Variants in CREB3L2 observed in about 807,000 individuals in gnomAD.
CREB3L2 encodes the protein cAMP responsive element binding protein 3 like 2, also known as cyclic AMP-responsive element-binding protein 3-like protein 2.
A neutral mutation model predicts 57.2 loss-of-function variants in CREB3L2; 23 were observed. That is an observed-to-expected ratio of 0.40 (90% CI 0.29 to 0.57). The LOEUF is 0.57. CREB3L2 is among the 20% of genes least tolerant of loss of function. CREB3L2 has a pLI of 0.42. For missense variants in CREB3L2, 628 were observed against 634.7 expected, an observed-to-expected ratio of 0.99 and a Z score of 0.11; for synonymous variants, 268 against 265.1, an observed-to-expected ratio of 1.01 and a Z score of -0.11.
rs184730828 is a variant in CREB3L2, at chr7:137,912,260, G to T, written c.583+731C>A. On this transcript the variant is annotated intron_variant, in intron 4 of 11. Coordinates refer to ENST00000330387, the MANE Select transcript of CREB3L2 (RefSeq NM_194071.4). Reference sequence around the variant, plus strand: ...GGTGTGGTGGTGCACGCCTGTAATTGCAGCTTCTCAGGAGGCTGAGGCACA... The same window carrying T: ...GGTGTGGTGGTGCACGCCTGTAATTTCAGCTTCTCAGGAGGCTGAGGCACA... 2.0e-5 allele frequency among the ~76,000 whole-genome samples: 3 copies of T among 151,636 alleles called. No individual in the cohort carries two copies. In the South Asian group the frequency reaches 6.3e-4, roughly 32 times the overall value.
At chr7:137,933,021 G>A (rs1263638851) in intron 1 of CREB3L2, among the ~76,000 whole-genome samples, 3 of 152,160 alleles carry the variant, frequency 2.0e-5, no homozygotes, top group Non-Finnish European at 4.4e-5. Flanking sequence ...GGGCAGCAAG[G>A]AGCAGAACAG....
At chr7:137,994,473 G>A (rs922670897) in intron 1 of CREB3L2, among the ~76,000 whole-genome samples, 10 of 152,138 alleles carry the variant, frequency 6.6e-5, no homozygotes, top group Admixed American at 6.5e-5. Flanking sequence ...CTACTCTGAC[G>A]CCAAGAGTCC....
Position 138,001,964 on chromosome 7 carries a change from A to T in CREB3L2, c.-259T>A. The stretch of plus-strand genomic sequence containing the variant: ...CAAAGGCTGCCGGGGCTAAAGCGGG[A>T]TGTGCATCCAAAATGAAGGCAGAAG... On this transcript the variant is annotated 5_prime_UTR_variant, in exon 1 of 12. Transcript: ENST00000330387. The surrounding 1 kb of genome is among the most constrained non-coding windows in gnomAD (Gnocchi z 4.2). 1 of 424,986 alleles carries T rather than the reference A, an allele frequency of 2.4e-6. No individual in the cohort carries two copies. The highest frequency in any genetic ancestry group is 4.5e-5 in the South Asian group (1 of 22,286). The allele number at this position is 424,986 out of a possible 1,614,324, so 26.3% of individuals were successfully genotyped here. A position where few individuals can be genotyped will look rare whatever the true frequency, so the allele number is the denominator to read the frequency against.
At chr7:137,992,785 G>A (rs1476728564) in intron 1 of CREB3L2, among the ~76,000 whole-genome samples, 1 of 152,190 alleles carries the variant, frequency 6.6e-6, no homozygotes, top group Admixed American at 6.5e-5. Flanking sequence ...AACGAGTTAT[G>A]AGACAATCCT....
At chr7:137,972,708 A>ACAAAACAAAACAAACAAAC (rs1554503522) in intron 1 of CREB3L2, among the ~76,000 whole-genome samples, 430 of 42,616 alleles carry the variant, frequency 0.01, 5 homozygotes, top group Non-Finnish European at 0.014. Context: ...AAAAAAAAAA[A>ACAAAACAAAACAAACAAAC]AAAAATATAT....
chr7:137,898,915 A>C (rs568751953), intron 8 of CREB3L2, among the ~76,000 whole-genome samples: 69 of 140,360 alleles, frequency 4.9e-4, no homozygotes, highest in Middle Eastern at 3.5e-3. Flanking sequence ...AAAAATAAAA[A>C]TGTGGAAGGA....
Position 137,882,404 on chromosome 7 carries a change from T to C in CREB3L2, c.1487+8A>G, listed in dbSNP as rs774203532. On this transcript the variant is annotated splice_region_variant and intron_variant, in intron 11 of 11. Transcript: ENST00000330387. ...TAGAGGAGTTGGCTCTGTGTCTCTA[T>C]GACTCACAGGTGCTGCTGCAGCTCC... The C allele has an allele frequency of 4.4e-5, 70 of 1,603,560 alleles. No homozygotes were observed. Among genetic ancestry groups the C allele is most frequent in the Non-Finnish European group, 2.1e-5 (25 of 1,171,562 alleles).
intron 4 of CREB3L2, among the ~76,000 whole-genome samples, chr7:137,908,951 T>A (rs1799950988): frequency 6.6e-6 from 1 of 151,512 alleles, no homozygotes; most frequent in East Asian, 2.0e-4. Context: ...ACAAAAAAAA[T>A]TAGCCAGGTG....
intron 1 of CREB3L2, among the ~76,000 whole-genome samples, chr7:137,967,257 C>T (rs899127291): frequency 6.6e-6 from 1 of 152,230 alleles, no homozygotes; most frequent in Non-Finnish European, 1.5e-5. Context: ...TTAAGCCACC[C>T]AGTCTATGGT....
Position 137,980,161 on chromosome 7 carries a change from C to T in CREB3L2, c.102+21443G>A, listed in dbSNP as rs1801688001. 6.6e-6 allele frequency among the ~76,000 whole-genome samples: 1 copy of T among 152,198 alleles called. No individual in the cohort carries two copies. The highest frequency in any genetic ancestry group is 2.4e-5 in the African/African-American group (1 of 41,448). On this transcript the variant is annotated intron_variant, in intron 1 of 11. Coordinates refer to ENST00000330387, the MANE Select transcript of CREB3L2 (RefSeq NM_194071.4). This position sits in a 1 kb window ranked among gnomAD's most constrained non-coding sequence, Gnocchi z 4.3. ...AGATGAATGTTGCCAGACCATGGAC[C>T]ATGCTTTGAGTAGTCATACTCCAAG...
chr7:137,962,276 C>T (rs1017571723), intron 1 of CREB3L2, among the ~76,000 whole-genome samples: 2 of 152,152 alleles, frequency 1.3e-5, no homozygotes, highest in African/African-American at 4.8e-5. Flanking sequence ...ATGGCCATGG[C>T]TCTGACTTTG....
intron 2 of CREB3L2, among the ~76,000 whole-genome samples, chr7:137,927,573 T>C (rs1800502230): frequency 6.6e-6 from 1 of 152,030 alleles, no homozygotes; most frequent in Non-Finnish European, 1.5e-5. Flanking sequence ...AGAGTAATGG[T>C]CAAAACATCT....
intron 7 of CREB3L2, among the ~76,000 whole-genome samples, chr7:137,902,983 AT>A (rs201154600): frequency 6.6e-6 from 1 of 151,180 alleles, no homozygotes; most frequent in Non-Finnish European, 1.5e-5. Context: ...TGCCTGGCTA[AT>A]TTTTTTTTAT....
intron 10 of CREB3L2, among the ~76,000 whole-genome samples, chr7:137,883,985 G>T (rs765446310): frequency 1.3e-3 from 193 of 152,148 alleles, no homozygotes; most frequent in Non-Finnish European, 2.1e-3. Context: ...TGGGCATAAG[G>T]TTTTGGAAGG....
intron 1 of CREB3L2, among the ~76,000 whole-genome samples, chr7:137,931,574 G>A (rs1415136717): frequency 2.7e-5 from 4 of 150,630 alleles, no homozygotes; most frequent in Non-Finnish European, 4.4e-5. Context: ...GCTCATGTCT[G>A]TAATCCCAGA....
In CREB3L2 at chr7:137,878,210, T is replaced by C; in HGVS notation, c.*2266A>G. On this transcript the variant is annotated 3_prime_UTR_variant, in exon 12 of 12. Coordinates refer to ENST00000330387, the MANE Select transcript of CREB3L2 (RefSeq NM_194071.4). Reference sequence around the variant, plus strand: ...GGACAGGGGCTAGAAGTTTCCTTTATCTTCTCCCTCCTCATTTAGAAGAGC... The same window carrying C: ...GGACAGGGGCTAGAAGTTTCCTTTACCTTCTCCCTCCTCATTTAGAAGAGC... The C allele has an allele frequency of 4.3e-6, 1 of 232,180 alleles. No individual in the cohort carries two copies. Among genetic ancestry groups the C allele is most frequent in the Non-Finnish European group, 8.5e-6 (1 of 117,368 alleles). 14.4% of individuals were successfully genotyped at this position (232,180 alleles called of 1,614,324 possible). A position where few individuals can be genotyped will look rare whatever the true frequency, so the allele number is the denominator to read the frequency against.
intron 1 of CREB3L2, among the ~76,000 whole-genome samples, chr7:137,940,766 G>C (rs1401502797): frequency 6.6e-6 from 1 of 152,208 alleles, no homozygotes; most frequent in Non-Finnish European, 1.5e-5. Flanking sequence ...CGGCATGCAT[G>C]CTTCCTAGAA....
chr7:138,001,793 C>T lies in CREB3L2; in HGVS notation c.-88G>A. 1.1e-6 allele frequency: 1 copy of T among 951,546 alleles called. No homozygotes were observed. 58.9% of individuals were successfully genotyped at this position (951,546 alleles called of 1,614,324 possible). ...CGGACCGGCAAGGTTCCTCTCTCTC[C>T]GCGTGTGCTTGCGTGTGTGCGCGCG... On this transcript the variant is annotated 5_prime_UTR_variant, in exon 1 of 12. Transcript: ENST00000330387. This position sits in a 1 kb window ranked among gnomAD's most constrained non-coding sequence, Gnocchi z 4.2.
At chr7:137,972,707 A>AACAAAAAAAAACAAAC (rs1408337627) in intron 1 of CREB3L2, among the ~76,000 whole-genome samples, 1 of 44,238 alleles carries the variant, frequency 2.3e-5, no homozygotes, top group African/African-American at 1.3e-4. Context: ...AAAAAAAAAA[A>AACAAAAAAAAACAAAC]AAAAAATATA....
Sources: gnomAD v4.1 joint callset for allele counts (sites outside exome capture counted in the v4.1 genomes callset) on GRCh38, gnomAD v4.1.1 for gene constraint, Gnocchi (gnomAD v3.1) non-coding constraint, MANE v1.5 for transcripts, NCBI Gene and HGNC (gene_info 2026-07-23, HGNC 2026-07-21) for gene names.